The following COL6A3 variants were observed in gnomAD, a reference collection of about 807,000 sequenced individuals.
The protein encoded by COL6A3 is collagen type VI alpha 3 chain.
A neutral mutation model predicts 274.1 loss-of-function variants in COL6A3; 137 were observed. The ratio of observed to expected loss-of-function variants is 0.50; its 90% confidence interval spans 0.44 to 0.58. The LOEUF (loss-of-function observed/expected upper bound fraction) is 0.58. COL6A3 is among the 20% of genes least tolerant of loss of function. The pLI, the probability that COL6A3 is intolerant of heterozygous loss-of-function variation, is 0.00. For missense variants in COL6A3, 3,950 were observed against 4,124.9 expected (o/e 0.96, Z 1.16); for synonymous variants, 1,650 against 1,650.6 (o/e 1.00, Z 0.01).
intron 25 of COL6A3, among the ~76,000 whole-genome samples, 164 bp from the exon 26 acceptor site, chr2:237,352,748 C>T (rs1202761875): frequency 2.6e-5 from 4 of 152,216 alleles, no homozygotes; most frequent in African/African-American, 9.6e-5. Flanking sequence ...TAGCAGCTGC[C>T]TCAATCCAGA....
rs370194938 is a variant in COL6A3 at position 237,371,719 on chromosome 2, GCCC to G, written c.4285+10_4285+12del. 6.3e-7 allele frequency: 1 copy of G among 1,575,194 alleles called. No individual in the cohort carries two copies. The highest frequency in any genetic ancestry group is 2.3e-5 in the East Asian group (1 of 44,334). Reference sequence around the variant, plus strand: ...AAATGCTCCAAGGAGAACCTCCGACGCCCCCATCTCACCTGGAGGTGGATAGCG... The same window carrying G: ...AAATGCTCCAAGGAGAACCTCCGACGCCATCTCACCTGGAGGTGGATAGCG... On this transcript the variant is annotated intron_variant, in intron 9 of 43. Transcript: ENST00000295550. This position sits in a 1 kb window ranked among gnomAD's most constrained non-coding sequence, Gnocchi z 4.3.
At position 237,380,940 on chromosome 2, in the gene COL6A3, G is replaced by A; in HGVS notation, c.1872C>T (p.Leu624=). The part of the protein sequence containing the change: ...QGMLPGLLAP[L]RTLSGTPEVH... ...CTTCAGGGGTTCCAGAGAGGGTCCT[G>A]AGAGGTGCCAGCAAGCCAGGCAGCA... Residue 624 remains leucine, a synonymous_variant, in exon 5 of 44, where the codon CTC becomes CTT. Transcript: ENST00000295550. 1 of 1,614,092 alleles carries A rather than the reference G, an allele frequency of 6.2e-7. No homozygotes were observed. Among genetic ancestry groups the A allele is most frequent in the Non-Finnish European group, 8.5e-7 (1 of 1,180,020 alleles).
intron 28 of COL6A3, 39 bp from the exon 29 acceptor site, chr2:237,348,702 C>T (rs754868786): frequency 3.1e-6 from 5 of 1,589,200 alleles, no homozygotes; most frequent in Non-Finnish European, 4.3e-6. Context: ...GGTCGCCATG[C>T]CTGGCACACC....
chr2:237,374,499 G>A lies in COL6A3; in HGVS notation c.3592C>T (p.Gln1198Ter), dbSNP rs1574709131. ...GTCACCCTCTCAGAGATGACCTGTT[G>A]GACGGTCCCCAGCTGGCGAAAGGTG... ...IPTFRQLGTV[Q>*]QVISERVTQL... The change falls in exon 8 of 44, where the codon CAA becomes TAA. Residue 1198 changes from glutamine to a stop codon, truncating the protein, a stop_gained. Transcript: ENST00000295550. LOFTEE classifies it high-confidence loss of function. The surrounding 1 kb of genome is among the most constrained non-coding windows in gnomAD (Gnocchi z 4.8). 1 of 1,614,134 alleles carries A rather than the reference G, an allele frequency of 6.2e-7. No individual in the cohort carries two copies. Among genetic ancestry groups the A allele is most frequent in the East Asian group, 2.2e-5 (1 of 44,868 alleles).
rs745370109 is a variant in COL6A3, at chr2:237,364,945, G to T, written c.5839-517C>A. Among the ~76,000 whole-genome samples the T allele has an allele frequency of 1.3e-4, 20 of 151,780 alleles. No individual in the cohort carries two copies. The highest frequency in any genetic ancestry group is 7.9e-4 in the Admixed American group (12 of 15,214). On this transcript the variant is annotated intron_variant, in intron 12 of 43. Transcript: ENST00000295550. The surrounding 1 kb of genome is among the most constrained non-coding windows in gnomAD (Gnocchi z 4.6). ...GGTGTGTGTGCGTGTGTGCATGTGT[G>T]CATGTGTTATGGGCTAAATTGTGTC...
chr2:237,366,801 C>G lies in COL6A3; in HGVS notation c.5386G>C (p.Ala1796Pro). 3 of 1,614,282 alleles carry G rather than the reference C, an allele frequency of 1.9e-6. No homozygotes were observed. Among genetic ancestry groups the G allele is most frequent in the Non-Finnish European group, 2.5e-6 (3 of 1,180,052 alleles). ...VGKIASNSAT[A>P]FRVGNVQELS... Reference sequence around the variant, plus strand: ...TCCTGGACGTTGCCCACGCGGAACGCTGTGGCGCTGTTGGACGCTATCTTT... The same window carrying G: ...TCCTGGACGTTGCCCACGCGGAACGGTGTGGCGCTGTTGGACGCTATCTTT... Residue 1796 changes from alanine to proline, a missense_variant, in exon 11 of 44, where the codon GCG becomes CCG. Physicochemically the swap from Ala to Pro is conservative, Grantham distance 27 (BLOSUM62 -1). Transcript: ENST00000295550.
intron 23 of COL6A3, among the ~76,000 whole-genome samples, chr2:237,356,444 A>G (rs988470267): frequency 1.3e-5 from 2 of 152,220 alleles, no homozygotes; most frequent in African/African-American, 4.8e-5. Flanking sequence ...TCAAAGCAAA[A>G]TGATGCCCAT....
intron 38 of COL6A3, among the ~76,000 whole-genome samples, chr2:237,339,932 A>C (rs1033685360): frequency 6.6e-6 from 1 of 152,212 alleles, no homozygotes; most frequent in Non-Finnish European, 1.5e-5. Flanking sequence ...TGAACTTTGA[A>C]GATGAATATG....
chr2:237,359,522 C>T, intron 17 of COL6A3, 134 bp from the exon 18 acceptor site: 2 of 950,800 alleles, frequency 2.1e-6, no homozygotes, highest in South Asian at 1.3e-5. Context: ...ATATTAGAGT[C>T]CTACCCCTTT....
At position 237,407,122 on chromosome 2, in the gene COL6A3, G is replaced by A. The variant is rs955433751; in HGVS notation, c.-31+6831C>T. ...AGACAATATCTCACTATATTGCCCA[G>A]GCTGGTCTCAAACTCTTGGGCTCAA... is the stretch of plus-strand genomic sequence containing the variant. On this transcript the variant is annotated intron_variant, in intron 1 of 43. Coordinates refer to ENST00000295550, the MANE Select transcript of COL6A3 (RefSeq NM_004369.4). This position sits in a 1 kb window ranked among gnomAD's most constrained non-coding sequence, Gnocchi z 4.3. Among the ~76,000 whole-genome samples the A allele has an allele frequency of 3.9e-5, 6 of 151,944 alleles. No homozygotes were observed. Among genetic ancestry groups the A allele is most frequent in the Admixed American group, 3.3e-4 (5 of 15,266 alleles).
Position 237,344,879 on chromosome 2 carries a change from C to A in COL6A3, c.7175-36G>T. ...TAGAGGGTGGAGGGTTAAAGACAAA[C>A]TGTACTTACTACAAAAGGGAGGCTT... On this transcript the variant is annotated intron_variant, in intron 35 of 43. Transcript: ENST00000295550. The surrounding 1 kb of genome is among the most constrained non-coding windows in gnomAD (Gnocchi z 4.8). 6.2e-7 allele frequency: 1 copy of A among 1,614,008 alleles called. No homozygotes were observed.
At chr2:237,351,748 G>C (rs1436532510) in intron 26 of COL6A3, among the ~76,000 whole-genome samples, 1 of 152,180 alleles carries the variant, frequency 6.6e-6, no homozygotes, top group Non-Finnish European at 1.5e-5. Flanking sequence ...ATCTTAAATT[G>C]TTGATTAATT....
In COL6A3 at chr2:237,371,681, T is replaced by C. The variant is rs376837643; in HGVS notation, c.4285+51A>G. The C allele has an allele frequency of 3.9e-6, 6 of 1,534,032 alleles. No homozygotes were observed. The highest frequency in any genetic ancestry group is 5.2e-6 in the Non-Finnish European group (6 of 1,143,980). On this transcript the variant is annotated intron_variant, in intron 9 of 43. Coordinates refer to ENST00000295550, the MANE Select transcript of COL6A3 (RefSeq NM_004369.4). This position sits in a 1 kb window ranked among gnomAD's most constrained non-coding sequence, Gnocchi z 4.3. Reference sequence around the variant, plus strand: ...AGTACCATGGCCTTTGAGCCTGTTATTTTTCATATGGAAAATGCTCCAAGG... The same window carrying C: ...AGTACCATGGCCTTTGAGCCTGTTACTTTTCATATGGAAAATGCTCCAAGG...
At chr2:237,348,823 C>A (rs1295736112) in intron 28 of COL6A3, among the ~76,000 whole-genome samples, 160 bp from the exon 29 acceptor site, 1 of 152,178 alleles carries the variant, frequency 6.6e-6, no homozygotes, top group Non-Finnish European at 1.5e-5. Context: ...CCTGTCCTAT[C>A]TTCCAAGTGT....
intron 1 of COL6A3, among the ~76,000 whole-genome samples, chr2:237,412,058 G>A (rs2078869773): frequency 6.6e-6 from 1 of 152,216 alleles, no homozygotes; most frequent in African/African-American, 2.4e-5. Context: ...TCGACCATGA[G>A]TGAGGAAAGG....
chr2:237,380,471 A>C (rs1390771140), intron 5 of COL6A3, among the ~76,000 whole-genome samples: 1 of 152,246 alleles, frequency 6.6e-6, no homozygotes, highest in African/African-American at 2.4e-5. Flanking sequence ...GAGGGATTAA[A>C]AGCTGAGGAC....
Position 237,358,198 on chromosome 2 carries a change from T to G in COL6A3, c.6472-316A>C, listed in dbSNP as rs143930944. ...GAAGAGGCTAGCTTGTACTGCTCAT[T>G]TGCTTAAACGTTTTACAGAGACACA... On this transcript the variant is annotated intron_variant, in intron 21 of 43. Coordinates refer to ENST00000295550, the MANE Select transcript of COL6A3 (RefSeq NM_004369.4). Among the ~76,000 whole-genome samples the G allele has an allele frequency of 5.7e-3, 867 of 152,304 alleles. 9 individuals are homozygous for G. The highest frequency in any genetic ancestry group is 0.03 in the South Asian group (146 of 4,816).
chr2:237,327,470 AG>A (rs1700008766), intron 42 of COL6A3: 1 of 152,384 alleles, frequency 6.6e-6, no homozygotes, highest in Non-Finnish European at 1.5e-5. Context: ...TGGCTTCTCC[AG>A]CTTCCTTGGC....
In COL6A3 at chr2:237,375,832, C is replaced by T. The variant is rs374630888; in HGVS notation, c.3071-812G>A. ...TGCTGGGATTACAGGTGTGAGCCAC[C>T]GCACCCGGCCTGTTTTGTTTTTGGC... On this transcript the variant is annotated intron_variant, in intron 7 of 43. Coordinates refer to ENST00000295550, the MANE Select transcript of COL6A3 (RefSeq NM_004369.4). 2.8e-4 allele frequency among the ~76,000 whole-genome samples: 43 copies of T among 152,294 alleles called. No individual in the cohort carries two copies. The South Asian group carries it at 6.2e-3, about 22-fold the overall frequency.
Sources: gnomAD v4.1 joint callset for allele counts (sites outside exome capture counted in the v4.1 genomes callset) on GRCh38, gnomAD v4.1.1 for gene constraint, Gnocchi (gnomAD v3.1) non-coding constraint, MANE v1.5 for transcripts, NCBI Gene and HGNC (gene_info 2026-07-23, HGNC 2026-07-21) for gene names.